The following SH3BP1 variants were observed in gnomAD, a reference collection of about 807,000 sequenced individuals.
SH3BP1 encodes the protein SH3 domain-binding protein 1.
SH3BP1 carries 46 observed loss-of-function variants against 69.8 expected under a neutral mutation model. That is an observed-to-expected ratio of 0.66 (90% confidence interval 0.52 to 0.84). SH3BP1 has a LOEUF of 0.84. Ranked by LOEUF, SH3BP1 falls within the 40% of genes least tolerant of loss-of-function variation. SH3BP1 has a pLI of 0.00. For synonymous variants in SH3BP1, 403 were observed against 378.0 expected (o/e 1.07, Z -0.77); for missense variants, 868 against 930.9 (o/e 0.93, Z 0.88).
chr22:37,650,681 TCC>T lies in SH3BP1; in HGVS notation c.1555_1556del (p.Pro519SerfsTer18). ...TTPAPAPAPA[P>X]APAPALASAA... is the part of the protein sequence containing the mutation. ...CCCCGGCTCCGGCTCCGGCTCCAGC[TCC>T]AGCTCCGGCCCCAGCCTTGGCTTCA... On this transcript the variant is annotated frameshift_variant, in exon 16 of 18. Transcript: ENST00000649765. LOFTEE classifies it high-confidence loss of function. 6.2e-7 allele frequency: 1 copy of T among 1,613,562 alleles called. No individual in the cohort carries two copies. Among genetic ancestry groups the T allele is most frequent in the South Asian group, 1.1e-5 (1 of 91,022 alleles).
At chr22:37,641,104 C>CT (rs1932569974) in intron 1 of SH3BP1, 22 bp from the exon 2 acceptor site, 4 of 1,286,802 alleles carry the variant, frequency 3.1e-6, no homozygotes, top group African/African-American at 1.5e-5. Flanking sequence ...ACTCTCCCCC[C>CT]CCCCCCCACC....
chr22:37,641,129 C>T lies in SH3BP1; in HGVS notation c.63C>T (p.Thr21=). The change falls in exon 2 of 18, where the codon ACC becomes ACT. Residue 21 remains threonine (T), a synonymous_variant. Transcript: ENST00000649765. The part of the protein sequence containing the change: ...QLAQTGSLGR[T]PETAEFLGED... ...CCCCCCCCACCACTCCCCGCAGCAC[C>T]CCGGAGACCGCTGAGTTCCTGGGTG... is the stretch of plus-strand genomic sequence containing the variant. 2 of 1,545,406 alleles carry T rather than the reference C, an allele frequency of 1.3e-6. No individual in the cohort carries two copies. Among genetic ancestry groups the T allele is most frequent in the Non-Finnish European group, 1.7e-6 (2 of 1,144,204 alleles).
chr22:37,647,369 A>G (rs1193763778), intron 12 of SH3BP1, 21 bp downstream of exon 12: 1 of 1,612,828 alleles, frequency 6.2e-7, no homozygotes, highest in Non-Finnish European at 8.5e-7. Flanking sequence ...TGGAGGAGGG[A>G]GGGGATGGGG....
chr22:37,649,936 A>G (rs1932846628), intron 14 of SH3BP1: 8 of 664,770 alleles, frequency 1.2e-5, no homozygotes, highest in Non-Finnish European at 2.2e-5. Flanking sequence ...CTATGAGGAA[A>G]AGGGTCCTTG....
chr22:37,644,999 T>C, intron 9 of SH3BP1, 39 bp downstream of exon 9: 1 of 1,571,338 alleles, frequency 6.4e-7, no homozygotes, highest in South Asian at 1.1e-5. Flanking sequence ...CCCCTGACCC[T>C]GCCCTGCTCG....
chr22:37,648,796 C>T (rs1281844750), intron 14 of SH3BP1: 13 of 194,114 alleles, frequency 6.7e-5, no homozygotes, highest in African/African-American at 2.4e-4. Context: ...CTCCGCCTCC[C>T]GGGTTCAAGC....
chr22:37,649,582 G>C (rs985418512), intron 14 of SH3BP1, among the ~76,000 whole-genome samples: 1 of 152,118 alleles, frequency 6.6e-6, no homozygotes, highest in African/African-American at 2.4e-5. Flanking sequence ...TCGGGAGTTC[G>C]AGACCAGCCT....
chr22:37,655,831 C>A lies in SH3BP1; in HGVS notation c.*147C>A. The A allele has an allele frequency of 6.8e-7, 1 of 1,479,494 alleles. No individual in the cohort carries two copies. Among genetic ancestry groups the A allele is most frequent in the Admixed American group, 2.3e-5 (1 of 42,632 alleles). 91.6% of individuals were successfully genotyped at this position (1,479,494 alleles called of 1,614,324 possible). On this transcript the variant is annotated 3_prime_UTR_variant, in exon 18 of 18. Transcript: ENST00000649765. ...GTGCCCACTGGGTCGGCCCCCATGG[C>A]CAGGAGGGCTCAGGACAATCCTCTA...
intron 17 of SH3BP1, among the ~76,000 whole-genome samples, chr22:37,654,222 G>A (rs1055935978): frequency 2.6e-5 from 4 of 152,236 alleles, no homozygotes; most frequent in African/African-American, 7.2e-5. Context: ...CTGGAGTCCC[G>A]TCCCTCCAGA....
At chr22:37,643,564 T>A in intron 6 of SH3BP1, 80 bp from the exon 7 acceptor site, 1 of 1,574,244 alleles carries the variant, frequency 6.4e-7, no homozygotes, top group Non-Finnish European at 8.7e-7. Context: ...GAATCCCATG[T>A]GGTCTGCTGT....
At chr22:37,641,038 C>T (rs1413992401) in intron 1 of SH3BP1, 88 bp from the exon 2 acceptor site, 1 of 926,810 alleles carries the variant, frequency 1.1e-6, no homozygotes, top group Admixed American at 2.0e-5. Flanking sequence ...TCCAGGTGCC[C>T]TGCTGCGGGG....
At chr22:37,640,084 G>A (rs1475884594) in intron 1 of SH3BP1, among the ~76,000 whole-genome samples, 6 of 152,184 alleles carry the variant, frequency 3.9e-5, no homozygotes, top group Non-Finnish European at 7.4e-5. Flanking sequence ...GGATTGGAGG[G>A]GGCTTCAGGC....
chr22:37,646,367 T>C (rs1345656044), intron 10 of SH3BP1, among the ~76,000 whole-genome samples: 1 of 151,958 alleles, frequency 6.6e-6, no homozygotes, highest in Non-Finnish European at 1.5e-5. Flanking sequence ...CAAGCGATTG[T>C]GTCTCAGCCT....
At position 37,646,904 on chromosome 22, in the gene SH3BP1, C is replaced by A; in HGVS notation, c.1011C>A (p.Phe337Leu). The A allele has an allele frequency of 2.6e-6, 4 of 1,557,994 alleles. No individual in the cohort carries two copies. Among genetic ancestry groups the A allele is most frequent in the Non-Finnish European group, 3.5e-6 (4 of 1,154,636 alleles). ...MASDPHSLEE[F>L]CSDPHAVAGA... ...CGGACCCCCACAGCCTGGAGGAGTT[C>A]TGCTCCGACCCGCACGCTGTGGCAG... The change falls in exon 11 of 18, where the codon TTC (phenylalanine) becomes TTA (leucine). Residue 337 changes from phenylalanine to leucine, a missense_variant. By Grantham distance (22) the Phe-to-Leu change is conservative. This residue lies in a region of SH3BP1 where 387 missense variants were observed against 447.9 expected (regional missense o/e 0.86). Transcript: ENST00000649765.
chr22:37,652,778 T>C (rs1258144871), intron 16 of SH3BP1, among the ~76,000 whole-genome samples: 1 of 142,544 alleles, frequency 7.0e-6, no homozygotes, highest in East Asian at 2.0e-4. Context: ...TGAGCCAAGA[T>C]CGTGCCATTG....
At position 37,646,848 on chromosome 22, in the gene SH3BP1, G is replaced by C; in HGVS notation, c.955G>C (p.Val319Leu). Residue 319 changes from valine (V) to leucine (L), a missense_variant, in exon 11 of 18, where the codon GTG becomes CTG. Around this residue, in one of 3 missense-constraint regions of SH3BP1, gnomAD observed 387 missense variants for 447.9 expected, o/e 0.86. Coordinates refer to ENST00000649765, the MANE Select transcript of SH3BP1 (RefSeq NM_018957.6). ...GLFRLAAGAS[V>L]LKRLKQTMAS... is the part of the protein sequence containing the mutation. Reference sequence around the variant, plus strand: ...CTTCCGTCTGGCTGCTGGGGCCTCGGTGCTGAAGCGTCTCAAGCAGACAAT... The same window carrying C: ...CTTCCGTCTGGCTGCTGGGGCCTCGCTGCTGAAGCGTCTCAAGCAGACAAT... The C allele has an allele frequency of 6.4e-7, 1 of 1,558,946 alleles. No individual in the cohort carries two copies. The highest frequency in any genetic ancestry group is 1.2e-5 in the South Asian group (1 of 85,056).
At chr22:37,653,670 C>A in intron 16 of SH3BP1, 109 bp from the exon 17 acceptor site, 1 of 756,604 alleles carries the variant, frequency 1.3e-6, no homozygotes, top group Non-Finnish European at 2.4e-6. Flanking sequence ...TGATAGAGAG[C>A]GAGTGCTGGG....
intron 17 of SH3BP1, among the ~76,000 whole-genome samples, chr22:37,654,706 G>C (rs1932968886): frequency 6.6e-6 from 1 of 152,214 alleles, no homozygotes. Context: ...CCAGGTGAGA[G>C]AGTGACTGAC....
chr22:37,641,489 G>T lies in SH3BP1; in HGVS notation c.207+11G>T. On this transcript the variant is annotated intron_variant, in intron 3 of 17. Transcript: ENST00000649765. ...ATGGACAAGCGGGTGGTGAGTGGGG[G>T]GTCCCGGGAAGGAGGGGCCTGAGCA... The T allele has an allele frequency of 6.5e-7, 1 of 1,545,714 alleles. No individual in the cohort carries two copies. The highest frequency in any genetic ancestry group is 8.7e-7 in the Non-Finnish European group (1 of 1,144,020).
Sources: gnomAD v4.1 joint callset for allele counts (sites outside exome capture counted in the v4.1 genomes callset) on GRCh38, gnomAD v4.1.1 for gene constraint, gnomAD v4.1.1 regional missense constraint, MANE v1.5 for transcripts, NCBI Gene and HGNC (gene_info 2026-07-23, HGNC 2026-07-21) for gene names.